FCRL3: variants seen among roughly 807,000 people sequenced by gnomAD.
The protein encoded by FCRL3 is Fc receptor-like protein 3.
A neutral mutation model predicts 75.0 loss-of-function variants in FCRL3; 89 were observed. That is an observed-to-expected ratio of 1.19 (90% CI 1.00 to 1.42). The LOEUF is 1.42. Ranked by LOEUF, FCRL3 falls within the 40% of genes most tolerant of loss-of-function variation. FCRL3 has a pLI of 0.00. For synonymous variants in FCRL3, 376 were observed against 348.5 expected, an observed-to-expected ratio of 1.08 and a Z score of -0.88; for missense variants, 946 against 880.0, an observed-to-expected ratio of 1.07 and a Z score of -0.95.
At position 157,697,870 on chromosome 1, in the gene FCRL3, G is replaced by A. The variant is rs745896488; in HGVS notation, c.348C>T (p.Val116=). 1.4e-5 allele frequency: 23 copies of A among 1,613,958 alleles called. No homozygotes were observed. Among genetic ancestry groups the A allele is most frequent in the African/African-American group, 5.3e-5 (4 of 74,882 alleles). ...TGTCTTTCCCCTGACATCTCAGAAT[G>A]ACATTGTCTCCTTCAAAGACAGGAT... ...ALHPVFEGDN[V]ILRCQGKDNK... The change falls in exon 5 of 15, where the codon GTC becomes GTT. Residue 116 remains valine, a synonymous_variant. Coordinates refer to ENST00000368184, the MANE Select transcript of FCRL3 (RefSeq NM_052939.4).
rs1360456583 is a variant in FCRL3, at chr1:157,697,706, A to G, written c.512T>C (p.Ile171Thr). Residue 171 changes from isoleucine (I) to threonine (T), a missense_variant, in exon 5 of 15, where the codon ATA becomes ACA. Physicochemically the swap from Ile to Thr is moderately conservative, Grantham distance 89. Coordinates refer to ENST00000368184, the MANE Select transcript of FCRL3 (RefSeq NM_052939.4). Reference sequence around the variant, plus strand: ...TTTTGAAGTTACTTCAATGTCAAGTATGTAAAACTTCCTATAAGCAGTACA... The same window carrying G: ...TTTTGAAGTTACTTCAATGTCAAGTGTGTAAAACTTCCTATAAGCAGTACA... Reference protein sequence around the residue: ...YHCTAYRKFYILDIEVTSKPL... With the variant: ...YHCTAYRKFYTLDIEVTSKPL... 2 of 1,613,908 alleles carry G rather than the reference A, an allele frequency of 1.2e-6. No individual in the cohort carries two copies. Among genetic ancestry groups the G allele is most frequent in the Non-Finnish European group, 1.7e-6 (2 of 1,179,920 alleles).
At chr1:157,697,476 A>G in intron 5 of FCRL3, 52 bp from the exon 6 acceptor site, 1 of 1,515,642 alleles carries the variant, frequency 6.6e-7, no homozygotes, top group Non-Finnish European at 8.8e-7. Context: ...CAGAGTTCCT[A>G]GAGAGATGCA....
chr1:157,684,282 C>A (rs1448721571), intron 10 of FCRL3, among the ~76,000 whole-genome samples: 1 of 152,176 alleles, frequency 6.6e-6, no homozygotes, highest in East Asian at 1.9e-4. Flanking sequence ...TTTTTAAAAT[C>A]TGTGGCTCTA....
In FCRL3 at chr1:157,689,808, T is replaced by C; in HGVS notation, c.1800A>G (p.Arg600=). 8.7e-6 allele frequency: 14 copies of C among 1,614,102 alleles called. No individual in the cohort carries two copies. Among genetic ancestry groups the C allele is most frequent in the Non-Finnish European group, 1.2e-5 (14 of 1,180,008 alleles). ...AAALLHYARA[R]RKPGGLSATG... is the part of the protein sequence containing the mutation. Reference sequence around the variant, plus strand: ...GACCTAGACACCCACCTGGTTTCCTTCGGGCCCTGGCGTAATGCAGCAGAG... The same window carrying C: ...GACCTAGACACCCACCTGGTTTCCTCCGGGCCCTGGCGTAATGCAGCAGAG... Residue 600 remains arginine, a synonymous_variant, in exon 10 of 15, where the codon CGA becomes CGG. Coordinates refer to ENST00000368184, the MANE Select transcript of FCRL3 (RefSeq NM_052939.4).
In FCRL3 at chr1:157,683,221, A is replaced by T; in HGVS notation, c.1834T>A (p.Ser612Thr). The T allele has an allele frequency of 6.2e-7, 1 of 1,613,694 alleles. No homozygotes were observed. Among genetic ancestry groups the T allele is most frequent in the Non-Finnish European group, 8.5e-7 (1 of 1,179,770 alleles). The change falls in exon 11 of 15, where the codon TCT becomes ACT. Residue 612 changes from serine (S) to threonine (T), a missense_variant. Transcript: ENST00000368184. ...CACAAGAAGCAGAGACCTCACCTAG[A>T]TGTTCCAGTGGCAGAAAGTCCTCCT... ...KPGGLSATGT[S>T]SHSPSECQEP...
intron 7 of FCRL3, 22 bp downstream of exon 7, chr1:157,696,018 T>C: frequency 6.3e-7 from 1 of 1,594,412 alleles, no homozygotes; most frequent in Non-Finnish European, 8.5e-7. Context: ...CTCGAGGCTG[T>C]GTGAAAGGAA....
rs2101631055 is a variant in FCRL3 at position 157,700,568 on chromosome 1, C to T, written c.-79G>A. 2 of 1,611,502 alleles carry T rather than the reference C, an allele frequency of 1.2e-6. No homozygotes were observed. The highest frequency in any genetic ancestry group is 1.7e-4 in the Middle Eastern group (1 of 6,056). Reference sequence around the variant, plus strand: ...TATCTCCAAGAAGGAGGGCAGGAAGCTGCTACTCAGATGAGACCTGCAAGA... The same window carrying T: ...TATCTCCAAGAAGGAGGGCAGGAAGTTGCTACTCAGATGAGACCTGCAAGA... On this transcript the variant is annotated 5_prime_UTR_variant, in exon 2 of 15. Coordinates refer to ENST00000368184, the MANE Select transcript of FCRL3 (RefSeq NM_052939.4).
chr1:157,698,136 C>T (rs1656076713), intron 4 of FCRL3: 1 of 724,790 alleles, frequency 1.4e-6, no homozygotes, highest in Non-Finnish European at 2.2e-6. Flanking sequence ...TGTCTTTTCA[C>T]AAAAGAGGAA....
intron 8 of FCRL3, among the ~76,000 whole-genome samples, chr1:157,694,419 T>C (rs1655758957): frequency 6.6e-6 from 1 of 152,244 alleles, no homozygotes; most frequent in East Asian, 1.9e-4. Flanking sequence ...AGGATTATTA[T>C]TAACCAAAAT....
intron 10 of FCRL3, among the ~76,000 whole-genome samples, chr1:157,686,868 C>T (rs1655208469): frequency 6.6e-6 from 1 of 152,104 alleles, no homozygotes; most frequent in Non-Finnish European, 1.5e-5. Context: ...CAATCCTTGA[C>T]ATCAGCTTTG....
chr1:157,696,578 C>T, intron 6 of FCRL3: 1 of 506,442 alleles, frequency 2.0e-6, no homozygotes, highest in Non-Finnish European at 3.5e-6. Context: ...GTTTTCTGGT[C>T]ACATTTTATA....
At chr1:157,696,976 A>G in intron 6 of FCRL3, 164 bp downstream of exon 6, 1 of 540,996 alleles carries the variant, frequency 1.8e-6, no homozygotes, top group Non-Finnish European at 2.8e-6. Context: ...GTGGAAGAAA[A>G]TGTTCTAGGG....
chr1:157,676,748 GTTCT>G lies in FCRL3; in HGVS notation c.*1958_*1961del, dbSNP rs1351232844. ...AAAGACATGGAAAATCTTGAACTTT[GTTCT>G]TTCTTGGGTTCAGAATCTAGAAAAT... On this transcript the variant is annotated 3_prime_UTR_variant, in exon 15 of 15. Coordinates refer to ENST00000368184, the MANE Select transcript of FCRL3 (RefSeq NM_052939.4). 3.2e-6 allele frequency: 5 copies of G among 1,550,270 alleles called. No homozygotes were observed. The East Asian group carries it at 1.2e-4, about 38-fold the overall frequency.
Position 157,681,029 on chromosome 1 carries a change from G to A in FCRL3, c.1909C>T (p.His637Tyr), listed in dbSNP as rs372358223. ...TCCATTGGGGCTAGTGGTTTAGAGT[G>A]AGTGGGCTCTTGAGGGTCTATCCTG... Reference protein sequence around the residue: ...PSRIDPQEPTHSKPLAPMELE... With the variant: ...PSRIDPQEPTYSKPLAPMELE... The change falls in exon 12 of 15, where the codon CAC becomes TAC. Residue 637 changes from histidine to tyrosine, a missense_variant. Coordinates refer to ENST00000368184, the MANE Select transcript of FCRL3 (RefSeq NM_052939.4). The A allele has an allele frequency of 1.1e-5, 17 of 1,606,636 alleles. No homozygotes were observed. Among genetic ancestry groups the A allele is most frequent in the Non-Finnish European group, 4.2e-6 (5 of 1,177,504 alleles).
chr1:157,680,057 T>C (rs1249202589), intron 13 of FCRL3, among the ~76,000 whole-genome samples: 7 of 152,270 alleles, frequency 4.6e-5, no homozygotes, highest in African/African-American at 1.4e-4. Flanking sequence ...AGTTTCACTG[T>C]TACCTGATCT....
At position 157,689,929 on chromosome 1, in the gene FCRL3, G is replaced by C. The variant is rs772157976; in HGVS notation, c.1691-12C>G. Reference sequence around the variant, plus strand: ...GTTCCTGGAAGTTCCTGAGTGGAGGGAGCTGTACTTGAGTTTCAGTGGCAC... The same window carrying C: ...GTTCCTGGAAGTTCCTGAGTGGAGGCAGCTGTACTTGAGTTTCAGTGGCAC... On this transcript the variant is annotated splice_polypyrimidine_tract_variant and intron_variant, in intron 9 of 14. Coordinates refer to ENST00000368184, the MANE Select transcript of FCRL3 (RefSeq NM_052939.4). The C allele has an allele frequency of 1.2e-6, 2 of 1,613,896 alleles. No homozygotes were observed. The highest frequency in any genetic ancestry group is 2.2e-5 in the South Asian group (2 of 91,062).
rs1235436858 is a variant in FCRL3, at chr1:157,698,148, C to G, written c.299-229G>C. 3.0e-5 allele frequency: 22 copies of G among 722,308 alleles called. No homozygotes were observed. In the East Asian group the frequency reaches 5.9e-4, roughly 19 times the overall value. The allele number at this position is 722,308 out of a possible 1,614,324, so 44.7% of individuals were successfully genotyped here. ...ACATGTCTTTTCACAAAAGAGGAAT[C>G]CCAGACTTGAACCCCTTTTTGCCTG... On this transcript the variant is annotated intron_variant, in intron 4 of 14. Transcript: ENST00000368184.
intron 10 of FCRL3, among the ~76,000 whole-genome samples, chr1:157,684,496 T>C (rs991618086): frequency 2.0e-5 from 3 of 152,174 alleles, no homozygotes; most frequent in Non-Finnish European, 2.9e-5. Flanking sequence ...GTATCTTTTC[T>C]GTGGGTGGTT....
At chr1:157,698,315 T>C (rs1019726940) in intron 4 of FCRL3, 69 bp downstream of exon 4, 10 of 1,580,744 alleles carry the variant, frequency 6.3e-6, no homozygotes, top group Non-Finnish European at 7.8e-6. Flanking sequence ...CTAGGATCCC[T>C]GCATTAACCC....
Sources: allele counts gnomAD v4.1 joint callset (sites outside exome capture counted in the v4.1 genomes callset), GRCh38; gene constraint gnomAD v4.1.1; transcripts MANE v1.5; gene names NCBI Gene and HGNC (gene_info 2026-07-23, HGNC 2026-07-21).